Variants in NTM observed in about 807,000 individuals in gnomAD.
NTM encodes the protein IgLON family member 2.
NTM carries 13 observed loss-of-function variants against 42.1 expected under a neutral mutation model. The ratio of observed to expected loss-of-function variants is 0.31; its 90% CI spans 0.20 to 0.49. The LOEUF is 0.49. Ranked by LOEUF, NTM falls within the 20% of genes least tolerant of loss-of-function variation. The pLI is 0.99. For synonymous variants in NTM, 187 were observed against 179.2 expected (o/e 1.04, Z -0.35); for missense variants, 373 against 452.8 (o/e 0.82, Z 1.60).
chr11:131,417,347 G>A (rs1318678505), intron 1 of NTM, among the ~76,000 whole-genome samples: 1 of 152,182 alleles, frequency 6.6e-6, no homozygotes, highest in African/African-American at 2.4e-5. Context: ...AGTATAACCT[G>A]TATTTGATGT....
At chr11:131,980,115 G>A (rs2065018950) in intron 2 of NTM, among the ~76,000 whole-genome samples, 1 of 152,156 alleles carries the variant, frequency 6.6e-6, no homozygotes, top group South Asian at 2.1e-4. Flanking sequence ...GGGAAGTGAA[G>A]GGAATGGATG....
chr11:131,576,634 A>G (rs2057961053), intron 1 of NTM, among the ~76,000 whole-genome samples: 1 of 152,234 alleles, frequency 6.6e-6, no homozygotes, highest in South Asian at 2.1e-4. Context: ...AAAGAAAAAT[A>G]TAATCTCTAA....
At chr11:131,800,235 C>T (rs568917672) in intron 1 of NTM, among the ~76,000 whole-genome samples, 1 of 152,342 alleles carries the variant, frequency 6.6e-6, no homozygotes, top group South Asian at 2.1e-4. Flanking sequence ...TAATTGCAAT[C>T]CCCATTGTCT....
intron 7 of NTM, among the ~76,000 whole-genome samples, chr11:132,325,040 A>C (rs573115374): frequency 1.8e-3 from 275 of 151,686 alleles, no homozygotes; most frequent in African/African-American, 6.4e-3. Flanking sequence ...TAAAGACTTA[A>C]ACGTTAGACC....
At chr11:132,185,299 A>G (rs2078230106) in intron 3 of NTM, among the ~76,000 whole-genome samples, 1 of 152,196 alleles carries the variant, frequency 6.6e-6, no homozygotes, top group South Asian at 2.1e-4. Context: ...ACATTTATGC[A>G]CACATTTTCT....
chr11:132,116,185 G>T (rs2063862939), intron 2 of NTM, among the ~76,000 whole-genome samples: 1 of 152,220 alleles, frequency 6.6e-6, no homozygotes, highest in Non-Finnish European at 1.5e-5. Context: ...AACCAAGGGA[G>T]TAAACAATGG....
intron 3 of NTM, among the ~76,000 whole-genome samples, chr11:132,200,988 T>C (rs146304523): frequency 1.6e-4 from 25 of 152,336 alleles, no homozygotes; most frequent in Admixed American, 5.9e-4. Context: ...CAGACTATTA[T>C]AGCAAAATGT....
intron 1 of NTM, among the ~76,000 whole-genome samples, chr11:131,532,667 C>T (rs934178217): frequency 2.0e-5 from 3 of 152,206 alleles, no homozygotes. Flanking sequence ...GCAACTGCAC[C>T]ATTGTACATT....
intron 2 of NTM, among the ~76,000 whole-genome samples, chr11:132,023,686 AG>A (rs1231562559): frequency 2.0e-5 from 3 of 151,806 alleles, no homozygotes; most frequent in Non-Finnish European, 4.4e-5. Context: ...GAGGGGATAG[AG>A]GGAAGATATG....
intron 1 of NTM, among the ~76,000 whole-genome samples, chr11:131,772,781 G>T (rs2086321548): frequency 6.6e-6 from 1 of 152,174 alleles, no homozygotes; most frequent in Non-Finnish European, 1.5e-5. Flanking sequence ...GTGATAATTT[G>T]TTTTGCAACA....
intron 3 of NTM, among the ~76,000 whole-genome samples, chr11:132,197,600 T>G (rs1344648036): frequency 1.3e-5 from 2 of 151,316 alleles, no homozygotes; most frequent in Non-Finnish European, 2.9e-5. Flanking sequence ...CTGCACCCAT[T>G]AACTCGTCAT....
intron 2 of NTM, among the ~76,000 whole-genome samples, chr11:131,942,909 G>T (rs965947603): frequency 1.3e-5 from 2 of 150,600 alleles, no homozygotes; most frequent in African/African-American, 4.9e-5. Flanking sequence ...TCTGGCCACC[G>T]CACTCCAGTC....
intron 3 of NTM, among the ~76,000 whole-genome samples, chr11:132,154,030 G>A (rs2072594612): frequency 6.6e-6 from 1 of 152,172 alleles, no homozygotes; most frequent in Non-Finnish European, 1.5e-5. Context: ...AATCATGTGT[G>A]CAAAGCTTGG....
intron 2 of NTM, among the ~76,000 whole-genome samples, chr11:132,041,602 A>G (rs2077212958): frequency 6.6e-6 from 1 of 152,204 alleles, no homozygotes; most frequent in African/African-American, 2.4e-5. Context: ...TGAACGTGCA[A>G]TCATTAGCAA....
intron 2 of NTM, among the ~76,000 whole-genome samples, chr11:132,026,095 G>C (rs1201673366): frequency 6.6e-6 from 1 of 152,128 alleles, no homozygotes; most frequent in Non-Finnish European, 1.5e-5. Flanking sequence ...CAGAGTGTTT[G>C]GGAAATACAA....
Position 132,222,051 on chromosome 11 carries a change from G to T in NTM, c.526+9904G>T, listed in dbSNP as rs142127591. On this transcript the variant is annotated intron_variant, in intron 4 of 8. Transcript: ENST00000683400. ...TCACAGCATTCTTACAAATTTACCCGCACCTGTGTCATCGCGCTGGACTCC... is the reference window on the plus strand; with the variant it reads ...TCACAGCATTCTTACAAATTTACCCTCACCTGTGTCATCGCGCTGGACTCC... Among the ~76,000 whole-genome samples, 16 of 152,180 alleles carry T rather than the reference G, an allele frequency of 1.1e-4. No individual in the cohort carries two copies. In the East Asian group the frequency reaches 2.5e-3, roughly 24 times the overall value.
chr11:131,558,672 C>T (rs2055787835), intron 1 of NTM, among the ~76,000 whole-genome samples: 1 of 152,152 alleles, frequency 6.6e-6, no homozygotes. Context: ...GCAGTGTATG[C>T]CTTGGCCTAA....
chr11:132,007,117 T>G (rs905229812), intron 2 of NTM, among the ~76,000 whole-genome samples: 3 of 152,230 alleles, frequency 2.0e-5, no homozygotes, highest in Non-Finnish European at 4.4e-5. Flanking sequence ...ACACCTGTGA[T>G]GGATGTCTAC....
chr11:132,138,001 C>T (rs939648182), intron 2 of NTM, among the ~76,000 whole-genome samples: 12 of 152,178 alleles, frequency 7.9e-5, no homozygotes, highest in African/African-American at 1.2e-4. Context: ...TCCACAAACT[C>T]GCCAGTATTT....
Sources: gnomAD v4.1 joint callset for allele counts (sites outside exome capture counted in the v4.1 genomes callset) on GRCh38, gnomAD v4.1.1 for gene constraint, MANE v1.5 for transcripts, NCBI Gene and HGNC (gene_info 2026-07-23, HGNC 2026-07-21) for gene names.